Variants in KCNAB1 observed in about 807,000 individuals in gnomAD.
KCNAB1 encodes potassium voltage-gated channel subfamily A regulatory beta subunit 1.
KCNAB1 carries 35 observed loss-of-function variants against 64.6 expected under a neutral mutation model. The ratio of observed to expected loss-of-function variants is 0.54; its 90% CI spans 0.41 to 0.72. KCNAB1 has a LOEUF of 0.72. Among genes scored for constraint, KCNAB1 ranks in the 30% least tolerant of loss-of-function variants. The pLI is 0.00. For missense variants in KCNAB1, 401 were observed against 512.9 expected, an observed-to-expected ratio of 0.78 and a Z score of 2.11; for synonymous variants, 177 against 183.8, an observed-to-expected ratio of 0.96 and a Z score of 0.30.
chr3:156,329,230 A>C (rs1053413391), intron 1 of KCNAB1, among the ~76,000 whole-genome samples: 1 of 152,128 alleles, frequency 6.6e-6, no homozygotes, highest in Non-Finnish European at 1.5e-5. Context: ...TTGAGATCAG[A>C]CAGAATTTGT....
intron 12 of KCNAB1, among the ~76,000 whole-genome samples, chr3:156,530,753 G>C (rs910352660): frequency 6.6e-6 from 1 of 152,214 alleles, no homozygotes; most frequent in African/African-American, 2.4e-5. Flanking sequence ...GGGAGGTCCA[G>C]AGAGGGCTGC....
At chr3:156,409,898 G>A (rs752800105) in intron 1 of KCNAB1, among the ~76,000 whole-genome samples, 11 of 152,132 alleles carry the variant, frequency 7.2e-5, no homozygotes, top group Non-Finnish European at 1.0e-4. Context: ...TTTATAACAG[G>A]GCTCAAAGTA....
intron 8 of KCNAB1, among the ~76,000 whole-genome samples, chr3:156,495,618 T>C (rs1715960817): frequency 6.6e-6 from 1 of 152,140 alleles, no homozygotes; most frequent in African/African-American, 2.4e-5. Context: ...TGCTATCAAA[T>C]CCCAGCTCCA....
chr3:156,195,101 C>T (rs1008294268), intron 1 of KCNAB1, among the ~76,000 whole-genome samples: 1 of 152,152 alleles, frequency 6.6e-6, no homozygotes, highest in Non-Finnish European at 1.5e-5. Context: ...CATGTCCCTG[C>T]AAAAGATATG....
At chr3:156,187,199 A>C (rs1249374952) in intron 1 of KCNAB1, among the ~76,000 whole-genome samples, 2 of 151,984 alleles carry the variant, frequency 1.3e-5, no homozygotes, top group Admixed American at 6.6e-5. Flanking sequence ...CTCTTTCATC[A>C]CTAACCCTCC....
At chr3:156,210,603 C>T (rs1470531565) in intron 1 of KCNAB1, among the ~76,000 whole-genome samples, 1 of 152,110 alleles carries the variant, frequency 6.6e-6, no homozygotes, top group East Asian at 1.9e-4. Flanking sequence ...TGAGAGCAGC[C>T]ATGCTAGCTA....
At chr3:156,163,108 C>A (rs2108312843) in intron 1 of KCNAB1, among the ~76,000 whole-genome samples, 1 of 152,314 alleles carries the variant, frequency 6.6e-6, no homozygotes, top group South Asian at 2.1e-4. Flanking sequence ...CCACTAGTCA[C>A]ATGTAGCTAA....
At chr3:156,119,689 G>T (rs1030274727), upstream of KCNAB1, among the ~76,000 whole-genome samples, 4 of 152,174 alleles carry the variant, frequency 2.6e-5, no homozygotes. Flanking sequence ...AGACCCCTAG[G>T]TGGACACTGA....
At chr3:156,279,887 G>A (rs1374619485) in intron 1 of KCNAB1, among the ~76,000 whole-genome samples, 1 of 148,864 alleles carries the variant, frequency 6.7e-6, no homozygotes, top group African/African-American at 2.5e-5. Flanking sequence ...AGATGAGTAG[G>A]TTGCGAAAAT....
intron 1 of KCNAB1, among the ~76,000 whole-genome samples, chr3:156,329,668 G>A (rs1343774972): frequency 6.6e-6 from 1 of 152,082 alleles, no homozygotes. Context: ...ATTTGGCTAA[G>A]GAAGAGAAAG....
intron 1 of KCNAB1, among the ~76,000 whole-genome samples, chr3:156,342,609 A>ATT (rs59689669): frequency 3.1e-4 from 32 of 104,688 alleles, no homozygotes; most frequent in South Asian, 6.2e-4. Flanking sequence ...TTTTTTTTTA[A>ATT]TTTTTTTTTT....
intron 1 of KCNAB1, among the ~76,000 whole-genome samples, chr3:156,192,952 T>C (rs1713652930): frequency 6.6e-6 from 1 of 152,106 alleles, no homozygotes; most frequent in South Asian, 2.1e-4. Flanking sequence ...TCTCCATACT[T>C]TCTAATTGGG....
At chr3:156,388,207 C>A (rs1175587591) in intron 1 of KCNAB1, among the ~76,000 whole-genome samples, 2 of 152,112 alleles carry the variant, frequency 1.3e-5, no homozygotes, top group South Asian at 2.1e-4. Context: ...CAGCAAAAAT[C>A]AAAGGAAGTA....
chr3:156,211,236 G>T (rs1034831505), intron 1 of KCNAB1, among the ~76,000 whole-genome samples: 5 of 151,978 alleles, frequency 3.3e-5, no homozygotes, highest in Admixed American at 6.6e-5. Context: ...TATCAAAGGG[G>T]GAGAACAAAA....
chr3:156,538,339 T>C lies in KCNAB1; in HGVS notation c.*1592T>C, dbSNP rs975031195. The C allele has an allele frequency of 2.0e-5, 3 of 152,222 alleles. No homozygotes were observed. The highest frequency in any genetic ancestry group is 4.4e-5 in the Non-Finnish European group (3 of 68,028). The allele number at this position is 152,222 out of a possible 1,614,324, so 9.4% of individuals were successfully genotyped here. ...TCATTAGTTCTAGATATGTACTTCATGGTTAAATTCTAAATCTGAAAATGC... is the reference window on the plus strand; with the variant it reads ...TCATTAGTTCTAGATATGTACTTCACGGTTAAATTCTAAATCTGAAAATGC... On this transcript the variant is annotated 3_prime_UTR_variant, in exon 14 of 14. Coordinates refer to ENST00000490337, the MANE Select transcript of KCNAB1 (RefSeq NM_172160.3).
At chr3:156,121,379 C>T (rs1209665299) in intron 1 of KCNAB1, among the ~76,000 whole-genome samples, 1 of 152,076 alleles carries the variant, frequency 6.6e-6, no homozygotes, top group Non-Finnish European at 1.5e-5. Flanking sequence ...GACATATTGA[C>T]CACCAATATA....
intron 1 of KCNAB1, among the ~76,000 whole-genome samples, chr3:156,330,482 G>A (rs114978154): frequency 2.0e-5 from 3 of 152,014 alleles, no homozygotes; most frequent in Non-Finnish European, 2.9e-5. Flanking sequence ...CAGCCACAAG[G>A]GTATTTTACT....
intron 1 of KCNAB1, among the ~76,000 whole-genome samples, chr3:156,197,873 G>A (rs1439550183): frequency 6.6e-6 from 1 of 151,936 alleles, no homozygotes; most frequent in African/African-American, 2.4e-5. Context: ...TCTTTTAATT[G>A]CGATGTTAGG....
chr3:156,456,655 A>G (rs1712450301), intron 3 of KCNAB1, among the ~76,000 whole-genome samples: 1 of 152,268 alleles, frequency 6.6e-6, no homozygotes, highest in Admixed American at 6.5e-5. Flanking sequence ...GGAAAAATCA[A>G]TTAAAATTAT....
Sources: allele counts gnomAD v4.1 joint callset (sites outside exome capture counted in the v4.1 genomes callset), GRCh38; gene constraint gnomAD v4.1.1; transcripts MANE v1.5; gene names NCBI Gene and HGNC (gene_info 2026-07-23, HGNC 2026-07-21).